Variants in PPIP5K2 observed in about 807,000 individuals in gnomAD.
PPIP5K2 encodes diphosphoinositol pentakisphosphate kinase 2.
A neutral mutation model predicts 154.6 loss-of-function variants in PPIP5K2; 105 were observed. That is an observed-to-expected ratio of 0.68 (90% CI 0.58 to 0.80). The LOEUF (loss-of-function observed/expected upper bound fraction) is 0.80, where lower values mean the gene tolerates loss of function less well. Among genes scored for constraint, PPIP5K2 ranks in the 30% least tolerant of loss-of-function variants. The probability of loss-of-function intolerance (pLI) is 0.00; values close to 1 mark genes in which losing one functional copy is unlikely to be tolerated. For missense variants in PPIP5K2, 992 were observed against 1,504.6 expected (o/e 0.66, Z 5.64); for synonymous variants, 480 against 490.3 (o/e 0.98, Z 0.28).
At chr5:103,144,889 A>T (rs967177908) in intron 5 of PPIP5K2, among the ~76,000 whole-genome samples, 33 of 152,154 alleles carry the variant, frequency 2.2e-4, no homozygotes, top group African/African-American at 7.5e-4. Flanking sequence ...AAACCCAGGC[A>T]ACCAAAGCAA....
At chr5:103,164,912 A>G (rs1431421541) in intron 17 of PPIP5K2, among the ~76,000 whole-genome samples, 1 of 152,158 alleles carries the variant, frequency 6.6e-6, no homozygotes, top group African/African-American at 2.4e-5. Context: ...TTACAAAGGC[A>G]TAACAGGATA....
At chr5:103,130,691 C>T (rs938979759) in intron 2 of PPIP5K2, among the ~76,000 whole-genome samples, 3 of 152,140 alleles carry the variant, frequency 2.0e-5, no homozygotes, top group Non-Finnish European at 4.4e-5. Flanking sequence ...TCAAACTTTT[C>T]TTCATCTGAA....
At chr5:103,130,519 C>T (rs924683177) in intron 2 of PPIP5K2, among the ~76,000 whole-genome samples, 9 of 152,124 alleles carry the variant, frequency 5.9e-5, no homozygotes. Flanking sequence ...TTAGATGACT[C>T]TTTAAGCCCC....
intron 1 of PPIP5K2, among the ~76,000 whole-genome samples, chr5:103,127,938 G>T (rs552660999): frequency 6.6e-6 from 1 of 151,662 alleles, no homozygotes; most frequent in Non-Finnish European, 1.5e-5. Context: ...ACTTTCTGTT[G>T]TTGTTGTTTT....
Position 103,205,679 on chromosome 5 carries a change from ATG to A in PPIP5K2, c.*4046_*4047del, listed in dbSNP as rs1803478439. ...CTGTCAATTTCTCCTTTTATTATCA[ATG>A]GTTTTTACTTTACTTTTTATATAGT... is the stretch of plus-strand genomic sequence containing the variant. On this transcript the variant is annotated 3_prime_UTR_variant, in exon 31 of 31. Coordinates refer to ENST00000358359, the MANE Select transcript of PPIP5K2 (RefSeq NM_001276277.3). 1 of 152,072 alleles carries A rather than the reference ATG, an allele frequency of 6.6e-6. No homozygotes were observed. 9.4% of individuals were successfully genotyped at this position (152,072 alleles called of 1,614,324 possible). A position where few individuals can be genotyped will look rare whatever the true frequency, so the allele number is the denominator to read the frequency against.
At chr5:103,144,310 C>T (rs1166384631) in intron 5 of PPIP5K2, among the ~76,000 whole-genome samples, 3 of 152,074 alleles carry the variant, frequency 2.0e-5, no homozygotes, top group African/African-American at 7.2e-5. Context: ...AAAAATACTC[C>T]ATTTTCATTG....
In PPIP5K2 at chr5:103,187,370, A is replaced by G. The variant is rs1366002256; in HGVS notation, c.3346A>G (p.Thr1116Ala). ...TTCTATCTCATTTGCTCGACACCCA[A>G]CCAATGGTACGTTTTGCTTTTATTT... ...RFSISFARHP[T>A]NGFELYSMVP... The change falls in exon 28 of 31, where the codon ACC (threonine) becomes GCC (alanine). Residue 1116 changes from threonine (T) to alanine (A), a missense_variant. Thr to Ala is a moderately conservative substitution (Grantham distance 58, BLOSUM62 0). Transcript: ENST00000358359. 4 of 1,532,194 alleles carry G rather than the reference A, an allele frequency of 2.6e-6. No individual in the cohort carries two copies. The Admixed American group carries it at 7.9e-5, about 30-fold the overall frequency. The allele number at this position is 1,532,194 out of a possible 1,614,324, so 94.9% of individuals were successfully genotyped here.
rs782712232 is a variant in PPIP5K2, at chr5:103,184,748, T to A, written c.3169+4T>A. The A allele has an allele frequency of 6.2e-7, 1 of 1,608,494 alleles. No individual in the cohort carries two copies. Among genetic ancestry groups the A allele is most frequent in the Non-Finnish European group, 8.5e-7 (1 of 1,175,108 alleles). On this transcript the variant is annotated splice_donor_region_variant and intron_variant, in intron 26 of 30. Transcript: ENST00000358359. ...CAGAAGCAGAATCCTACTGTAGGTATGTGGTGTAAAGGAAATTGTGTTCCA... is the reference window on the plus strand; with the variant it reads ...CAGAAGCAGAATCCTACTGTAGGTAAGTGGTGTAAAGGAAATTGTGTTCCA...
chr5:103,191,177 C>T, intron 29 of PPIP5K2, 195 bp downstream of exon 29: 1 of 414,978 alleles, frequency 2.4e-6, no homozygotes, highest in Non-Finnish European at 4.1e-6. Flanking sequence ...CTGCCAAAAT[C>T]TTTTCTTCTT....
At chr5:103,137,384 G>A (rs898535505) in intron 4 of PPIP5K2, among the ~76,000 whole-genome samples, 17 of 151,938 alleles carry the variant, frequency 1.1e-4, no homozygotes, top group African/African-American at 1.7e-4. Context: ...GGATGGTCTC[G>A]ATCTCCTGAC....
chr5:103,194,755 G>T lies in PPIP5K2; in HGVS notation c.3494-145G>T, dbSNP rs190081105. ...AGAACTATCTTTTTATTAAAAAAAG[G>T]TGATTTTGCTGAATTTACCTTGACC... On this transcript the variant is annotated intron_variant, in intron 29 of 30. Coordinates refer to ENST00000358359, the MANE Select transcript of PPIP5K2 (RefSeq NM_001276277.3). 5.1e-4 allele frequency: 399 copies of T among 775,518 alleles called. No homozygotes were observed. The African/African-American group carries it at 6.4e-3, about 12-fold the overall frequency. The allele number at this position is 775,518 out of a possible 1,614,324, so 48.0% of individuals were successfully genotyped here.
intron 21 of PPIP5K2, among the ~76,000 whole-genome samples, chr5:103,175,843 C>A (rs1350513296): frequency 2.6e-5 from 4 of 151,952 alleles, no homozygotes; most frequent in African/African-American, 7.2e-5. Flanking sequence ...AAAAACTGAA[C>A]AACTTCATTA....
At chr5:103,140,434 G>A (rs1339339541) in intron 5 of PPIP5K2, among the ~76,000 whole-genome samples, 2 of 152,218 alleles carry the variant, frequency 1.3e-5, no homozygotes, top group East Asian at 3.8e-4. Flanking sequence ...ATGTAAAGAA[G>A]CTCTGATACA....
At chr5:103,159,368 A>G in intron 17 of PPIP5K2, 40 bp downstream of exon 17, 3 of 1,484,312 alleles carry the variant, frequency 2.0e-6, no homozygotes, top group Middle Eastern at 1.8e-4. Flanking sequence ...AATATTACAC[A>G]CACACAGAAA....
intron 29 of PPIP5K2, among the ~76,000 whole-genome samples, chr5:103,192,502 C>G (rs1801391133): frequency 6.6e-6 from 1 of 151,930 alleles, no homozygotes; most frequent in African/African-American, 2.4e-5. Context: ...AAGAATTATT[C>G]TAATTAGTAA....
rs1372347309 is a variant in PPIP5K2, at chr5:103,205,438, G to A, written c.*3804G>A. ...CGCCACACTGTCTTCCACAATGGTT[G>A]AACTAATTTACACTCCCACCAAGTG... is the stretch of plus-strand genomic sequence containing the variant. On this transcript the variant is annotated 3_prime_UTR_variant, in exon 31 of 31. Transcript: ENST00000358359. The A allele has an allele frequency of 6.6e-6, 1 of 152,174 alleles. No individual in the cohort carries two copies. Among genetic ancestry groups the A allele is most frequent in the Admixed American group, 6.5e-5 (1 of 15,278 alleles). 9.4% of individuals were successfully genotyped at this position (152,174 alleles called of 1,614,324 possible).
intron 1 of PPIP5K2, among the ~76,000 whole-genome samples, chr5:103,123,278 A>G (rs569973194): frequency 1.5e-4 from 23 of 152,320 alleles, no homozygotes; most frequent in Admixed American, 1.5e-3. Flanking sequence ...GAGAGGTTCA[A>G]TAACTTGACT....
chr5:103,167,453 A>G (rs963236457), intron 18 of PPIP5K2, 133 bp downstream of exon 18: 1 of 626,308 alleles, frequency 1.6e-6, no homozygotes, highest in Non-Finnish European at 2.5e-6. Context: ...GAGTTAATGT[A>G]TATCAAGCAA....
chr5:103,142,280 C>A (rs1280108260), intron 5 of PPIP5K2, among the ~76,000 whole-genome samples: 4 of 152,170 alleles, frequency 2.6e-5, no homozygotes, highest in Non-Finnish European at 5.9e-5. Flanking sequence ...GGCCCGGGTG[C>A]TAAGTCCCTC....
Sources: allele counts gnomAD v4.1 joint callset (sites outside exome capture counted in the v4.1 genomes callset), GRCh38; gene constraint gnomAD v4.1.1; transcripts MANE v1.5; gene names NCBI Gene and HGNC (gene_info 2026-07-23, HGNC 2026-07-21).